Variants in FAM81B observed in about 807,000 individuals in gnomAD.
FAM81B encodes the protein protein FAM81B.
FAM81B carries 60 observed loss-of-function variants against 58.7 expected under a neutral mutation model. That is an observed-to-expected ratio of 1.02 (90% CI 0.83 to 1.27). The LOEUF (loss-of-function observed/expected upper bound fraction) is 1.27, where lower values mean the gene tolerates loss of function less well. Ranked by LOEUF, FAM81B falls within the 50% of genes most tolerant of loss-of-function variation. The pLI, the probability that FAM81B is intolerant of heterozygous loss-of-function variation, is 0.00. For missense variants in FAM81B, 491 were observed against 522.0 expected, an observed-to-expected ratio of 0.94 and a Z score of 0.58; for synonymous variants, 189 against 179.6, an observed-to-expected ratio of 1.05 and a Z score of -0.42.
chr5:95,446,974 AC>A (rs1363293910), intron 8 of FAM81B, among the ~76,000 whole-genome samples: 2 of 149,858 alleles, frequency 1.3e-5, no homozygotes, highest in East Asian at 3.9e-4. Context: ...ATAGATTGCC[AC>A]CCCAGACCCA....
intron 4 of FAM81B, among the ~76,000 whole-genome samples, chr5:95,415,764 A>G (rs796778113): frequency 3.3e-5 from 5 of 152,184 alleles, no homozygotes; most frequent in Non-Finnish European, 5.9e-5. Context: ...AGAATATTCT[A>G]TATTTTGATC....
At chr5:95,423,462 G>T (rs1395757668) in intron 5 of FAM81B, among the ~76,000 whole-genome samples, 1 of 149,164 alleles carries the variant, frequency 6.7e-6, no homozygotes, top group Non-Finnish European at 1.5e-5. Context: ...GGATGGATAT[G>T]ACTTACAATC....
rs563327960 is a variant in FAM81B, at chr5:95,446,500, A to G, written c.894-62A>G. 9 of 1,429,708 alleles carry G rather than the reference A, an allele frequency of 6.3e-6. No homozygotes were observed. The South Asian group carries it at 1.3e-4, about 20-fold the overall frequency. 88.6% of individuals were successfully genotyped at this position (1,429,708 alleles called of 1,614,324 possible). On this transcript the variant is annotated intron_variant, in intron 7 of 9. Transcript: ENST00000283357. ...ACCTCAAAAAACTGCAGACTTTTTC[A>G]ATACTAATTTTTTATGTTTAAATTA...
At chr5:95,400,325 T>C (rs1040393101) in intron 3 of FAM81B, among the ~76,000 whole-genome samples, 10 of 152,090 alleles carry the variant, frequency 6.6e-5, no homozygotes, top group Non-Finnish European at 4.4e-5. Flanking sequence ...CCTTGGCTTG[T>C]AGATGTGTCA....
intron 8 of FAM81B, among the ~76,000 whole-genome samples, chr5:95,447,638 G>A (rs1745630701): frequency 6.6e-6 from 1 of 152,212 alleles, no homozygotes; most frequent in Admixed American, 6.5e-5. Context: ...TCCTGAGGCA[G>A]ATGGGGCCAA....
intron 9 of FAM81B, among the ~76,000 whole-genome samples, chr5:95,449,732 G>A (rs1409004883): frequency 6.6e-6 from 1 of 152,062 alleles, no homozygotes; most frequent in African/African-American, 2.4e-5. Flanking sequence ...CCGCTGTTAG[G>A]TCCCTCAAAT....
At chr5:95,424,066 C>G (rs948057267) in intron 5 of FAM81B, 4 of 1,289,526 alleles carry the variant, frequency 3.1e-6, no homozygotes, top group Non-Finnish European at 4.0e-6. Context: ...CCTCCTTGCC[C>G]GCTTATACCT....
chr5:95,420,548 T>C (rs548811927), intron 5 of FAM81B, 146 bp downstream of exon 5: 48 of 1,202,538 alleles, frequency 4.0e-5, no homozygotes, highest in South Asian at 1.1e-4. Context: ...AAGTGTACCA[T>C]AGAACTTTCA....
rs184777811 is a variant in FAM81B, at chr5:95,424,206, A to G, written c.656+3804A>G. 7.3e-4 allele frequency: 939 copies of G among 1,289,838 alleles called. 6 individuals are homozygous for G. The African/African-American group carries it at 0.013, about 18-fold the overall frequency. The allele number at this position is 1,289,838 out of a possible 1,614,324, so 79.9% of individuals were successfully genotyped here. A position where few individuals can be genotyped will look rare whatever the true frequency, so the allele number is the denominator to read the frequency against. On this transcript the variant is annotated intron_variant, in intron 5 of 9. Coordinates refer to ENST00000283357, the MANE Select transcript of FAM81B (RefSeq NM_152548.3). ...TCCTCTGCAGGTAGCAGAAACATTC[A>G]AAGACATAATAGTTATTGTTAGAAT...
intron 3 of FAM81B, among the ~76,000 whole-genome samples, chr5:95,401,855 G>A (rs75701732): frequency 6.6e-6 from 1 of 152,272 alleles, no homozygotes; most frequent in East Asian, 1.9e-4. Context: ...AGCACAGCTG[G>A]TGTAAGTCAC....
In FAM81B at chr5:95,391,414, T is replaced by C. The variant is rs770259043; in HGVS notation, c.25T>C (p.Leu9=). The C allele has an allele frequency of 1.2e-5, 19 of 1,613,528 alleles. No homozygotes were observed. Among genetic ancestry groups the C allele is most frequent in the Middle Eastern group, 3.3e-4 (2 of 6,082 alleles). MQLQFLGT[L]ASSEKRKKSQ... ...GATGCAATTACAATTCCTTGGTACA[T>C]TGGCTTCCTCAGAAAAAAGAAAAAA... Residue 9 remains leucine, a synonymous_variant, in exon 1 of 10, where the codon TTG becomes CTG. Transcript: ENST00000283357.
chr5:95,436,806 C>G lies in FAM81B; in HGVS notation c.793C>G (p.Gln265Glu). 6.2e-7 allele frequency: 1 copy of G among 1,610,256 alleles called. No homozygotes were observed. The highest frequency in any genetic ancestry group is 1.1e-5 in the South Asian group (1 of 90,996). ...LSKNLDMKVMQLLGKIETASS... is the reference protein window; with the variant it reads ...LSKNLDMKVMELLGKIETASS... ...CCTCTCGTACTTTGACTAGGTGATG[C>G]AGCTCTTAGGAAAGATAGAAACTGC... The change falls in exon 7 of 10, where the codon CAG becomes GAG. Residue 265 changes from glutamine (Q) to glutamate (E), a missense_variant. Gln to Glu is a conservative substitution (Grantham distance 29, BLOSUM62 2). Coordinates refer to ENST00000283357, the MANE Select transcript of FAM81B (RefSeq NM_152548.3).
At chr5:95,399,922 C>T (rs374935904) in intron 3 of FAM81B, among the ~76,000 whole-genome samples, 2 of 152,256 alleles carry the variant, frequency 1.3e-5, no homozygotes, top group South Asian at 4.1e-4. Flanking sequence ...AGCAAAGCTG[C>T]TGTGATGTAG....
rs1198880587 is a variant in FAM81B, at chr5:95,450,060, A to C, written c.1226-89A>C. 1.5e-5 allele frequency: 21 copies of C among 1,387,540 alleles called. No individual in the cohort carries two copies. The East Asian group carries it at 5.1e-4, about 34-fold the overall frequency. The allele number at this position is 1,387,540 out of a possible 1,614,324, so 86.0% of individuals were successfully genotyped here. The stretch of plus-strand genomic sequence containing the variant: ...ATGCGCTTGGAATTAAATGATAATC[A>C]ATTATGGCAGGACTGCCGATTAGCA... On this transcript the variant is annotated intron_variant, in intron 9 of 9. Coordinates refer to ENST00000283357, the MANE Select transcript of FAM81B (RefSeq NM_152548.3).
intron 3 of FAM81B, chr5:95,406,067 AGAG>A (rs1762235454): frequency 6.5e-6 from 1 of 154,432 alleles, no homozygotes; most frequent in East Asian, 1.9e-4. Flanking sequence ...CCAAGGAAAT[AGAG>A]AAGAAGAGCA....
chr5:95,415,112 T>C (rs771836231), intron 4 of FAM81B, among the ~76,000 whole-genome samples: 1 of 152,208 alleles, frequency 6.6e-6, no homozygotes, highest in Non-Finnish European at 1.5e-5. Context: ...AAGAAAATTC[T>C]TTGTCTAAAT....
chr5:95,391,709 C>G lies in FAM81B; in HGVS notation c.124+196C>G, dbSNP rs546631019. Among the ~76,000 whole-genome samples the G allele has an allele frequency of 5.9e-5, 9 of 152,046 alleles. No individual in the cohort carries two copies. In the South Asian group the frequency reaches 6.2e-4, roughly 11 times the overall value. Reference sequence around the variant, plus strand: ...AGTGGGCAAAGGATGTGAACAGACACTTCTCAAAAGAAGACATTTATGCAG... The same window carrying G: ...AGTGGGCAAAGGATGTGAACAGACAGTTCTCAAAAGAAGACATTTATGCAG... On this transcript the variant is annotated intron_variant, in intron 1 of 9. Coordinates refer to ENST00000283357, the MANE Select transcript of FAM81B (RefSeq NM_152548.3).
chr5:95,396,419 T>C (rs1336718638), intron 3 of FAM81B, among the ~76,000 whole-genome samples: 1 of 152,196 alleles, frequency 6.6e-6, no homozygotes, highest in Non-Finnish European at 1.5e-5. Flanking sequence ...ATGACCTCCA[T>C]AGGTTCCTGT....
intron 6 of FAM81B, 67 bp downstream of exon 6, chr5:95,428,799 A>C: frequency 6.3e-7 from 1 of 1,597,022 alleles, no homozygotes; most frequent in Non-Finnish European, 8.5e-7. Context: ...ATAGCTTATC[A>C]AAATGCCCAA....
Sources: gnomAD v4.1 joint callset for allele counts (sites outside exome capture counted in the v4.1 genomes callset) on GRCh38, gnomAD v4.1.1 for gene constraint, MANE v1.5 for transcripts, NCBI Gene and HGNC (gene_info 2026-07-23, HGNC 2026-07-21) for gene names.